Variants in ABCC1 observed in about 807,000 individuals in gnomAD.
ABCC1 encodes multidrug resistance-associated protein 1.
Under a neutral mutation model 172.9 loss-of-function variants are expected in ABCC1, and 83 were observed. That is an observed-to-expected ratio of 0.48 (90% confidence interval 0.40 to 0.58). The LOEUF (loss-of-function observed/expected upper bound fraction) is 0.58. Among genes scored for constraint, ABCC1 ranks in the 20% least tolerant of loss-of-function variants. The pLI is 0.00. For missense variants in ABCC1, 1,817 were observed against 2,002.7 expected (o/e 0.91, Z 1.77); for synonymous variants, 937 against 825.2 (o/e 1.14, Z -2.32).
rs1038200673 is a variant in ABCC1, at chr16:16,004,653, T to C, written c.49-3163T>C. On this transcript the variant is annotated intron_variant, in intron 1 of 30. Transcript: ENST00000399410. Reference sequence around the variant, plus strand: ...CTTTGTATGTGTTGGCCTTGTAAGGTTTACTTTTTTTTTTTTTTTTTTTGA... The same window carrying C: ...CTTTGTATGTGTTGGCCTTGTAAGGCTTACTTTTTTTTTTTTTTTTTTTGA... 1.1e-4 allele frequency among the ~76,000 whole-genome samples: 15 copies of C among 130,664 alleles called. 1 individual carries two copies. The highest frequency in any genetic ancestry group is 2.0e-4 in the Admixed American group (2 of 10,106). The allele number at this position is 130,664 out of a possible 152,430, so 85.7% of individuals were successfully genotyped here.
chr16:16,022,077 G>T (rs941304874), intron 5 of ABCC1, among the ~76,000 whole-genome samples: 42 of 152,334 alleles, frequency 2.8e-4, no homozygotes, highest in African/African-American at 9.9e-4. Flanking sequence ...CCCATCCTCA[G>T]AGCAGCAGCA....
intron 1 of ABCC1, among the ~76,000 whole-genome samples, chr16:15,955,524 C>T (rs1273720064): frequency 6.6e-6 from 1 of 152,134 alleles, no homozygotes; most frequent in Non-Finnish European, 1.5e-5. Context: ...AGCATCTGTC[C>T]CCTTGGCCTC....
chr16:16,031,063 G>A (rs1249923835), intron 5 of ABCC1, among the ~76,000 whole-genome samples: 2 of 152,044 alleles, frequency 1.3e-5, no homozygotes, highest in Non-Finnish European at 2.9e-5. Flanking sequence ...TGCCTAGGCT[G>A]GTCTCGAACT....
rs11284065 is a variant in ABCC1, at chr16:15,997,094, T to TC, written c.49-10722_49-10721insC. The stretch of plus-strand genomic sequence containing the variant: ...AGCTGGGGAGGACATGCGCTTTCTC[T>TC]TTTTTTTTTTTTTTTGAGACGGAGT... On this transcript the variant is annotated intron_variant, in intron 1 of 30. Coordinates refer to ENST00000399410, the MANE Select transcript of ABCC1 (RefSeq NM_004996.4). 5.5e-3 allele frequency among the ~76,000 whole-genome samples: 77 copies of TC among 14,070 alleles called. No homozygotes were observed. The South Asian group carries it at 0.24, about 43-fold the overall frequency. The allele number at this position is 14,070 out of a possible 152,430, so 9.2% of individuals were successfully genotyped here. A position where few individuals can be genotyped will look rare whatever the true frequency, so the allele number is the denominator to read the frequency against.
At chr16:15,950,289 C>T (rs1024660578) in intron 1 of ABCC1, among the ~76,000 whole-genome samples, 1 of 151,990 alleles carries the variant, frequency 6.6e-6, no homozygotes, top group Non-Finnish European at 1.5e-5. Context: ...ATTGTCTCCC[C>T]AAAGTTGTCG....
intron 4 of ABCC1, among the ~76,000 whole-genome samples, chr16:16,015,131 C>CT (rs10694441): frequency 0.37 from 45,610 of 124,430 alleles, 10,264 homozygotes; most frequent in Non-Finnish European, 0.49. Context: ...GGAGTGTGCA[C>CT]TTTTTTTTTT....
intron 5 of ABCC1, among the ~76,000 whole-genome samples, chr16:16,021,835 T>A (rs1165302771): frequency 6.6e-6 from 1 of 152,158 alleles, no homozygotes; most frequent in Non-Finnish European, 1.5e-5. Flanking sequence ...TCAGCTAGAC[T>A]TGTGGCTTTG....
chr16:15,984,448 C>CGTTTTT (rs61396501), intron 1 of ABCC1, among the ~76,000 whole-genome samples: 2,135 of 146,902 alleles, frequency 0.015, 98 homozygotes, highest in Non-Finnish European at 0.018. Context: ...TTGATATATA[C>CGTTTTT]TTTTTTTTTT....
At chr16:16,098,204 A>C (rs531575476) in intron 19 of ABCC1, 1 of 155,250 alleles carries the variant, frequency 6.4e-6, no homozygotes, top group East Asian at 1.9e-4. Context: ...GCCACCTCCC[A>C]GTGTCATGCC....
intron 16 of ABCC1, among the ~76,000 whole-genome samples, chr16:16,080,077 T>G (rs1314939546): frequency 3.3e-5 from 5 of 152,152 alleles, no homozygotes; most frequent in African/African-American, 4.8e-5. Context: ...TCTCCCAAAG[T>G]GCTGGGATTG....
intron 19 of ABCC1, among the ~76,000 whole-genome samples, chr16:16,091,714 G>A (rs2152023940): frequency 6.6e-6 from 1 of 152,282 alleles, no homozygotes; most frequent in East Asian, 1.9e-4. Context: ...AGGAGAAGAG[G>A]TCAGCACAGT....
At chr16:16,030,509 A>G (rs551741812) in intron 5 of ABCC1, among the ~76,000 whole-genome samples, 4 of 152,126 alleles carry the variant, frequency 2.6e-5, no homozygotes, top group African/African-American at 9.7e-5. Flanking sequence ...TGGGCGACAG[A>G]GCAAGACTCC....
chr16:16,090,606 G>T lies in ABCC1; in HGVS notation c.2644+18G>T. Reference sequence around the variant, plus strand: ...GGAGAACGGTAGGGGCAGCCCCAGGGTTCCACCCACTCAGGGTGTCTGGCA... The same window carrying T: ...GGAGAACGGTAGGGGCAGCCCCAGGTTTCCACCCACTCAGGGTGTCTGGCA... On this transcript the variant is annotated intron_variant, in intron 19 of 30. Coordinates refer to ENST00000399410, the MANE Select transcript of ABCC1 (RefSeq NM_004996.4). The T allele has an allele frequency of 6.4e-7, 1 of 1,554,792 alleles. No homozygotes were observed.
At chr16:16,059,195 C>T (rs922101256) in intron 12 of ABCC1, among the ~76,000 whole-genome samples, 1 of 152,178 alleles carries the variant, frequency 6.6e-6, no homozygotes, top group African/African-American at 2.4e-5. Context: ...GGCCTCAGCC[C>T]AGATCCACTG....
At chr16:16,051,216 C>G (rs1432539636) in intron 10 of ABCC1, among the ~76,000 whole-genome samples, 1 of 151,752 alleles carries the variant, frequency 6.6e-6, no homozygotes, top group African/African-American at 2.4e-5. Context: ...GTTGCCCAGG[C>G]TGGAGTGCAG....
At chr16:16,123,040 A>G (rs79858173) in intron 24 of ABCC1, among the ~76,000 whole-genome samples, 2,224 of 152,258 alleles carry the variant, frequency 0.015, 20 homozygotes, top group Middle Eastern at 0.031. Context: ...CTTTTCTGAA[A>G]AAGTGACAGC....
intron 23 of ABCC1, among the ~76,000 whole-genome samples, chr16:16,117,153 A>T (rs2044920206): frequency 6.6e-6 from 1 of 152,208 alleles, no homozygotes; most frequent in Non-Finnish European, 1.5e-5. Context: ...ATGAAGAAAT[A>T]CCCAATACTG....
intron 14 of ABCC1, among the ~76,000 whole-genome samples, chr16:16,073,096 A>T (rs1197135595): frequency 6.6e-6 from 1 of 151,942 alleles, no homozygotes; most frequent in Admixed American, 6.6e-5. Flanking sequence ...GTGCAGTGAC[A>T]CGTTCACTTA....
At chr16:16,059,506 T>TA (rs1344285795) in intron 12 of ABCC1, among the ~76,000 whole-genome samples, 5 of 152,086 alleles carry the variant, frequency 3.3e-5, no homozygotes, top group African/African-American at 1.2e-4. Flanking sequence ...TTTTAACTTT[T>TA]AAAAAATATG....
Sources: allele counts gnomAD v4.1 joint callset (sites outside exome capture counted in the v4.1 genomes callset), GRCh38; gene constraint gnomAD v4.1.1; transcripts MANE v1.5; gene names NCBI Gene and HGNC (gene_info 2026-07-23, HGNC 2026-07-21).